The following SNX29 variants were observed in gnomAD, a reference collection of about 807,000 sequenced individuals.
SNX29 encodes sorting nexin-29.
SNX29 carries 78 observed loss-of-function variants against 102.1 expected under a neutral mutation model. The ratio of observed to expected loss-of-function variants is 0.76; its 90% CI spans 0.64 to 0.92. The LOEUF is 0.92. SNX29 is among the 40% of genes least tolerant of loss of function. The probability of loss-of-function intolerance (pLI) is 0.00; values close to 1 mark genes in which losing one functional copy is unlikely to be tolerated. For synonymous variants in SNX29, 580 were observed against 414.5 expected (o/e 1.40, Z -4.85); for missense variants, 1,280 against 1,061.7 (o/e 1.21, Z -2.86).
chr16:12,089,891 C>A lies in SNX29; in HGVS notation c.1402+10976C>A, dbSNP rs1002803668. ...TCCCTTGTACAGGCAGTGCTGAGGG[C>A]TCCCCTGTGTCTCGGGGTAGGGAGT... On this transcript the variant is annotated intron_variant, in intron 11 of 20. Transcript: ENST00000566228. The A allele has an allele frequency of 3.0e-5, 10 of 336,980 alleles. 1 individual carries two copies. The Admixed American group carries it at 4.4e-4, about 15-fold the overall frequency. The allele number at this position is 336,980 out of a possible 1,614,324, so 20.9% of individuals were successfully genotyped here. A position where few individuals can be genotyped will look rare whatever the true frequency, so the allele number is the denominator to read the frequency against.
chr16:11,999,013 G>A (rs1250779389), intron 1 of SNX29, among the ~76,000 whole-genome samples: 1 of 152,242 alleles, frequency 6.6e-6, no homozygotes, highest in Non-Finnish European at 1.5e-5. Context: ...CACGTAGTGT[G>A]TAGAGGCCAT....
intron 18 of SNX29, among the ~76,000 whole-genome samples, chr16:12,404,288 G>C (rs770666362): frequency 6.6e-6 from 1 of 152,156 alleles, no homozygotes; most frequent in Non-Finnish European, 1.5e-5. Flanking sequence ...GCAGCGAAAT[G>C]TGTGTCTGCT....
In SNX29 at chr16:12,568,751, C is replaced by T. The variant is rs74013306; in HGVS notation, c.*122C>T. ...TCCACCTGGTGATCCTGAGAGCACA[C>T]GATTCCCAACAGTTACACAACACCC... On this transcript the variant is annotated 3_prime_UTR_variant, in exon 21 of 21. Coordinates refer to ENST00000566228, the MANE Select transcript of SNX29 (RefSeq NM_032167.5). The T allele has an allele frequency of 1.8e-3, 2,515 of 1,389,248 alleles. 47 individuals are homozygous for T. In the African/African-American group the frequency reaches 0.032, roughly 18 times the overall value. 86.1% of individuals were successfully genotyped at this position (1,389,248 alleles called of 1,614,324 possible). A position where few individuals can be genotyped will look rare whatever the true frequency, so the allele number is the denominator to read the frequency against.
At chr16:12,032,187 C>A (rs964725092) in intron 4 of SNX29, among the ~76,000 whole-genome samples, 2 of 146,924 alleles carry the variant, frequency 1.4e-5, no homozygotes, top group African/African-American at 2.5e-5. Flanking sequence ...GTCAGAATTT[C>A]CTTCTTCTTC....
At chr16:12,013,535 A>C (rs1328737353) in intron 3 of SNX29, among the ~76,000 whole-genome samples, 2 of 120,656 alleles carry the variant, frequency 1.7e-5, no homozygotes, top group African/African-American at 6.1e-5. Context: ...ATATATATAT[A>C]TATATATCGA....
At chr16:12,565,454 T>TC (rs1051681210) in intron 20 of SNX29, among the ~76,000 whole-genome samples, 5 of 152,066 alleles carry the variant, frequency 3.3e-5, no homozygotes, top group African/African-American at 1.2e-4. Context: ...CCCCTCCTCA[T>TC]CCTGGGTTCT....
chr16:12,234,185 C>T (rs764000650), intron 14 of SNX29, among the ~76,000 whole-genome samples: 9 of 152,148 alleles, frequency 5.9e-5, no homozygotes, highest in Non-Finnish European at 1.2e-4. Context: ...GTTATTCTAC[C>T]ATGTCCTCAC....
chr16:12,303,741 T>C (rs1356336822), intron 15 of SNX29, among the ~76,000 whole-genome samples: 1 of 152,248 alleles, frequency 6.6e-6, no homozygotes, highest in Non-Finnish European at 1.5e-5. Flanking sequence ...GCATTAGTTA[T>C]TCTCTTGCAT....
chr16:12,330,517 A>G (rs995775053), intron 15 of SNX29, among the ~76,000 whole-genome samples: 4 of 152,204 alleles, frequency 2.6e-5, no homozygotes, highest in Admixed American at 1.3e-4. Context: ...TTTCACTGCG[A>G]ACTGTTTAAT....
chr16:12,487,338 T>C (rs992250740), intron 19 of SNX29, among the ~76,000 whole-genome samples: 3 of 152,160 alleles, frequency 2.0e-5, no homozygotes, highest in Non-Finnish European at 4.4e-5. Context: ...AGCCAGTGTT[T>C]CCATGTACAC....
At chr16:12,525,709 CA>C (rs1246878628) in intron 20 of SNX29, among the ~76,000 whole-genome samples, 1,718 of 121,348 alleles carry the variant, frequency 0.014, 31 homozygotes, top group East Asian at 0.063. Context: ...CCCCCCCCCC[CA>C]AAAAAAAGAA....
chr16:12,417,967 G>A (rs931465622), intron 18 of SNX29, among the ~76,000 whole-genome samples: 1 of 152,132 alleles, frequency 6.6e-6, no homozygotes, highest in Non-Finnish European at 1.5e-5. Context: ...GCAGCATTGA[G>A]TCTCTGAGCT....
At position 12,283,657 on chromosome 16, in the gene SNX29, G is replaced by T. The variant is rs567877148; in HGVS notation, c.1782+5621G>T. Among the ~76,000 whole-genome samples the T allele has an allele frequency of 2.0e-5, 3 of 152,294 alleles. No homozygotes were observed. The East Asian group carries it at 5.8e-4, about 29-fold the overall frequency. On this transcript the variant is annotated intron_variant, in intron 15 of 20. Transcript: ENST00000566228. ...GTCATTGGTGTTTCATCTGTGAGTT[G>T]CATTAGCTCTTCCTCATGCCAAGAG...
chr16:12,236,337 C>T (rs1200611767), intron 14 of SNX29, among the ~76,000 whole-genome samples: 3 of 152,174 alleles, frequency 2.0e-5, no homozygotes, highest in African/African-American at 4.8e-5. Context: ...AGGGGAGAAG[C>T]CAGGGGTCTT....
At chr16:12,018,778 CG>C (rs2151085578) in intron 3 of SNX29, among the ~76,000 whole-genome samples, 2 of 141,922 alleles carry the variant, frequency 1.4e-5, no homozygotes, top group Admixed American at 1.5e-4. Context: ...GTGGAGAATG[CG>C]GTCTCGCGAT....
intron 20 of SNX29, among the ~76,000 whole-genome samples, chr16:12,564,838 C>T (rs571270529): frequency 5.6e-4 from 81 of 143,480 alleles, no homozygotes; most frequent in African/African-American, 1.9e-3. Context: ...ACGCTGAAGT[C>T]GGCAGCTAAC....
chr16:12,223,425 G>T (rs1481592169), intron 14 of SNX29, among the ~76,000 whole-genome samples: 3 of 152,198 alleles, frequency 2.0e-5, no homozygotes, highest in South Asian at 2.1e-4. Context: ...ACTTTGGGAG[G>T]CTGAGGAGGG....
intron 20 of SNX29, among the ~76,000 whole-genome samples, chr16:12,544,544 T>C (rs1466675968): frequency 6.6e-6 from 1 of 152,326 alleles, no homozygotes; most frequent in Admixed American, 6.5e-5. Context: ...AGGAACATTC[T>C]CTGGAATGTT....
At chr16:12,361,333 G>A (rs1184405212) in intron 16 of SNX29, among the ~76,000 whole-genome samples, 2 of 152,238 alleles carry the variant, frequency 1.3e-5, no homozygotes, top group South Asian at 2.1e-4. Flanking sequence ...TCAGTGTCAG[G>A]TGGTAAATGG....
Sources: allele counts gnomAD v4.1 joint callset (sites outside exome capture counted in the v4.1 genomes callset), GRCh38; gene constraint gnomAD v4.1.1; transcripts MANE v1.5; gene names NCBI Gene and HGNC (gene_info 2026-07-23, HGNC 2026-07-21).